The following RBFOX1 variants were observed in gnomAD, a reference collection of about 807,000 sequenced individuals.
RBFOX1 encodes RNA binding fox-1 homolog 1.
Under a neutral mutation model 57.7 loss-of-function variants are expected in RBFOX1, and 8 were observed. The ratio of observed to expected loss-of-function variants is 0.14; its 90% CI spans 0.08 to 0.25. The LOEUF is 0.25. Among genes scored for constraint, RBFOX1 ranks in the 10% least tolerant of loss-of-function variants. RBFOX1 has a pLI of 1.00. For missense variants in RBFOX1, 611 were observed against 548.5 expected, an observed-to-expected ratio of 1.11 and a Z score of -1.14; for synonymous variants, 326 against 222.4, an observed-to-expected ratio of 1.47 and a Z score of -4.15.
In RBFOX1 at chr16:7,439,391, C is replaced by G. The variant is rs1296190140; in HGVS notation, c.28-78756C>G. Among the ~76,000 whole-genome samples, 4 of 151,972 alleles carry G rather than the reference C, an allele frequency of 2.6e-5. No homozygotes were observed. The South Asian group carries it at 8.4e-4, about 32-fold the overall frequency. On this transcript the variant is annotated intron_variant, in intron 4 of 15. Coordinates refer to ENST00000550418, the MANE Select transcript of RBFOX1 (RefSeq NM_018723.4). Reference sequence around the variant, plus strand: ...AAAAAAAAAAAAAAATCCAGCCTCACCTTTCTTTCTGGGTGGAGGAAAAGG... The same window carrying G: ...AAAAAAAAAAAAAAATCCAGCCTCAGCTTTCTTTCTGGGTGGAGGAAAAGG...
chr16:5,841,167 C>T (rs1222631941), intron 3 of RBFOX1, among the ~76,000 whole-genome samples: 1 of 152,182 alleles, frequency 6.6e-6, no homozygotes, highest in Non-Finnish European at 1.5e-5. Flanking sequence ...ATGGAATCAT[C>T]TCCAACACTA....
intron 1 of RBFOX1, among the ~76,000 whole-genome samples, chr16:5,303,995 A>T (rs56295522): frequency 6.6e-6 from 1 of 152,136 alleles, no homozygotes; most frequent in Non-Finnish European, 1.5e-5. Context: ...GTTTTTTTAA[A>T]GATCTAATAT....
intron 4 of RBFOX1, among the ~76,000 whole-genome samples, chr16:7,383,205 C>G (rs1179381511): frequency 6.6e-6 from 1 of 151,720 alleles, no homozygotes. Context: ...TCATGGCATG[C>G]CTGTATCAAA....
At chr16:5,487,995 G>A (rs1277458086) in intron 2 of RBFOX1, among the ~76,000 whole-genome samples, 2 of 152,010 alleles carry the variant, frequency 1.3e-5, no homozygotes, top group Non-Finnish European at 2.9e-5. Flanking sequence ...TAATCATGAT[G>A]GAAGATAATA....
At chr16:6,397,441 TAA>T (rs35626058) in intron 2 of RBFOX1, among the ~76,000 whole-genome samples, 1 of 149,676 alleles carries the variant, frequency 6.7e-6, no homozygotes, top group East Asian at 1.9e-4. Flanking sequence ...TCTGTTTTCA[TAA>T]AAAAAAAATC....
At chr16:7,663,195 C>T (rs1371650951) in intron 12 of RBFOX1, among the ~76,000 whole-genome samples, 1 of 152,216 alleles carries the variant, frequency 6.6e-6, no homozygotes, top group Non-Finnish European at 1.5e-5. Flanking sequence ...CCCCAACCGA[C>T]ATTCTCTATG....
chr16:7,704,424 C>A (rs745800337), intron 14 of RBFOX1, among the ~76,000 whole-genome samples: 9 of 152,186 alleles, frequency 5.9e-5, no homozygotes, highest in Non-Finnish European at 1.0e-4. Flanking sequence ...AGAAAGTTTT[C>A]TTCTGTCTTG....
rs573718361 is a variant in RBFOX1, at chr16:5,910,777, G to T, written c.351+43442G>T. Among the ~76,000 whole-genome samples, 12 of 152,258 alleles carry T rather than the reference G, an allele frequency of 7.9e-5. No homozygotes were observed. The East Asian group carries it at 2.1e-3, about 27-fold the overall frequency. On this transcript the variant is annotated intron_variant, in intron 4 of 19. Coordinates refer to the RBFOX1 transcript ENST00000641259. ...CTCTGCCTGAAAACTTTGTTTGTTT[G>T]TTTTTGCCCATCTGAGTTTCTCTGT... is the stretch of plus-strand genomic sequence containing the variant.
At chr16:5,605,903 T>C (rs959475104) in intron 3 of RBFOX1, among the ~76,000 whole-genome samples, 1 of 152,152 alleles carries the variant, frequency 6.6e-6, no homozygotes, top group African/African-American at 2.4e-5. Flanking sequence ...AGGTGTCTCA[T>C]AGAGACTTGT....
intron 3 of RBFOX1, among the ~76,000 whole-genome samples, chr16:6,776,614 G>C (rs904974667): frequency 1.3e-5 from 2 of 152,104 alleles, no homozygotes; most frequent in Non-Finnish European, 2.9e-5. Context: ...TATGTGGGGA[G>C]AGTTTTCTTT....
intron 2 of RBFOX1, among the ~76,000 whole-genome samples, chr16:6,624,320 G>GA (rs974042299): frequency 1.3e-5 from 2 of 152,236 alleles, no homozygotes; most frequent in South Asian, 2.1e-4. Context: ...TGTTTAAAAA[G>GA]AAAAAACTGT....
At chr16:6,085,639 G>C (rs928129448) in intron 1 of RBFOX1, among the ~76,000 whole-genome samples, 1 of 109,154 alleles carries the variant, frequency 9.2e-6, no homozygotes, top group Non-Finnish European at 2.2e-5. Flanking sequence ...AGGAGAAGTA[G>C]CAGTGTGTGT....
intron 1 of RBFOX1, among the ~76,000 whole-genome samples, chr16:6,197,633 C>T (rs200470672): frequency 3.5e-5 from 5 of 144,780 alleles, no homozygotes; most frequent in South Asian, 4.4e-4. Flanking sequence ...CAATGAGTTT[C>T]TTTTTTTTTT....
chr16:6,679,714 G>A (rs894381151), intron 3 of RBFOX1, among the ~76,000 whole-genome samples: 3 of 152,122 alleles, frequency 2.0e-5, no homozygotes, highest in Admixed American at 1.3e-4. Flanking sequence ...GAGTACTTGA[G>A]TGAGTTCTTT....
chr16:7,642,128 A>T (rs1459523534), intron 11 of RBFOX1, among the ~76,000 whole-genome samples: 7 of 152,084 alleles, frequency 4.6e-5, no homozygotes, highest in African/African-American at 7.2e-5. Context: ...TTCACCAAAG[A>T]AGCGGGTTTG....
In RBFOX1 at chr16:7,178,591, G is replaced by C. The variant is rs1407737791; in HGVS notation, c.27+126493G>C. 7.2e-5 allele frequency among the ~76,000 whole-genome samples: 11 copies of C among 152,144 alleles called. No homozygotes were observed. The South Asian group carries it at 1.9e-3, about 26-fold the overall frequency. ...GGGTATATTTCTGTTTCCATCACCA[G>C]AATTTAACCAGTTATCTACATAAGT... is the stretch of plus-strand genomic sequence containing the variant. On this transcript the variant is annotated intron_variant, in intron 4 of 15. Coordinates refer to ENST00000550418, the MANE Select transcript of RBFOX1 (RefSeq NM_018723.4).
rs1371587081 is a variant in RBFOX1 at position 6,361,628 on chromosome 16, T to TTAAAAAAAAAAAAAAAAAAAAA, written c.-64+44571_-64+44572insTAAAAAAAAAAAAAAAAAAAAA. 7.8e-5 allele frequency among the ~76,000 whole-genome samples: 10 copies of TTAAAAAAAAAAAAAAAAAAAAA among 127,946 alleles called. 1 individual carries two copies. Among genetic ancestry groups the TTAAAAAAAAAAAAAAAAAAAAA allele is most frequent in the African/African-American group, 2.6e-4 (9 of 34,408 alleles). 83.9% of individuals were successfully genotyped at this position (127,946 alleles called of 152,430 possible). On this transcript the variant is annotated intron_variant, in intron 2 of 15. Coordinates refer to ENST00000550418, the MANE Select transcript of RBFOX1 (RefSeq NM_018723.4). ...GGGTGACACATTGAGACTCTGTCTCTAAAAAAAAAAAAAAAAATCATGGTC... is the reference window on the plus strand; with the variant it reads ...GGGTGACACATTGAGACTCTGTCTCTTAAAAAAAAAAAAAAAAAAAAAAAAAAAAAAAAAAAAAATCATGGTC...
chr16:6,617,216 G>C (rs554929186), intron 2 of RBFOX1, among the ~76,000 whole-genome samples: 131 of 151,808 alleles, frequency 8.6e-4, no homozygotes, highest in African/African-American at 3.1e-3. Context: ...TGAAACTTCT[G>C]CTTGGAAAAA....
At chr16:6,902,874 G>A (rs966699020) in intron 3 of RBFOX1, among the ~76,000 whole-genome samples, 1 of 152,158 alleles carries the variant, frequency 6.6e-6, no homozygotes, top group Non-Finnish European at 1.5e-5. Context: ...TGTTTCATCA[G>A]ACATTGACTA....
Sources: allele counts gnomAD v4.1 joint callset (sites outside exome capture counted in the v4.1 genomes callset), GRCh38; gene constraint gnomAD v4.1.1; transcripts MANE v1.5; gene names NCBI Gene and HGNC (gene_info 2026-07-23, HGNC 2026-07-21).